The following GATAD2B variants were observed in gnomAD, a reference collection of about 807,000 sequenced individuals.
GATAD2B encodes transcriptional repressor p66-beta.
A neutral mutation model predicts 64.3 loss-of-function variants in GATAD2B; 8 were observed. The observed-to-expected ratio is 0.12, with a 90% CI of 0.07 to 0.22. GATAD2B has a LOEUF of 0.22. GATAD2B is among the 10% of genes least tolerant of loss of function. GATAD2B has a pLI of 1.00. For missense variants in GATAD2B, 453 were observed against 752.0 expected, an observed-to-expected ratio of 0.60 and a Z score of 4.65; for synonymous variants, 281 against 271.3, an observed-to-expected ratio of 1.04 and a Z score of -0.35.
intron 1 of GATAD2B, among the ~76,000 whole-genome samples, chr1:153,855,457 G>C (rs1369342323): frequency 6.6e-6 from 1 of 152,064 alleles, no homozygotes; most frequent in Admixed American, 6.6e-5. Context: ...TCAAACTCCT[G>C]ACCTCTAGTG....
At chr1:153,878,380 T>G (rs981602289) in intron 1 of GATAD2B, among the ~76,000 whole-genome samples, 1 of 151,938 alleles carries the variant, frequency 6.6e-6, no homozygotes, top group Non-Finnish European at 1.5e-5. Context: ...TCTGCGATGG[T>G]CTCCCAAGGT....
chr1:153,824,978 T>C (rs1674819037), intron 2 of GATAD2B, among the ~76,000 whole-genome samples: 1 of 152,004 alleles, frequency 6.6e-6, no homozygotes, highest in Admixed American at 6.6e-5. Context: ...CCCAGCTACT[T>C]GGGTGGCTAA....
chr1:153,916,277 G>GAAAAAAAAAAAAAAAAA (rs200305010), intron 1 of GATAD2B, among the ~76,000 whole-genome samples: 1 of 92,604 alleles, frequency 1.1e-5, no homozygotes, highest in Non-Finnish European at 2.2e-5. Context: ...TCCACCTCAA[G>GAAAAAAAAAAAAAAAAA]AAAAAAAAAA....
chr1:153,815,081 C>CAAAA (rs58874063), intron 7 of GATAD2B, among the ~76,000 whole-genome samples: 1,268 of 25,394 alleles, frequency 0.05, 207 homozygotes, highest in South Asian at 0.071. Flanking sequence ...GACTCTGTCT[C>CAAAA]AAAAAAAAAA....
chr1:153,903,135 G>C (rs1428286409), intron 1 of GATAD2B, among the ~76,000 whole-genome samples: 2 of 151,830 alleles, frequency 1.3e-5, no homozygotes, highest in African/African-American at 4.8e-5. Flanking sequence ...GGAGAATGGA[G>C]TGAAACCAGG....
At chr1:153,863,594 C>A (rs1676384399) in intron 1 of GATAD2B, among the ~76,000 whole-genome samples, 1 of 151,194 alleles carries the variant, frequency 6.6e-6, no homozygotes, top group African/African-American at 2.4e-5. Context: ...ATTTTTCCAA[C>A]CTTCTCCAGT....
chr1:153,849,159 C>T (rs1373501737), intron 1 of GATAD2B, among the ~76,000 whole-genome samples: 1 of 152,168 alleles, frequency 6.6e-6, no homozygotes, highest in East Asian at 1.9e-4. Context: ...GCTTTGGGCA[C>T]TTTATAATGA....
At chr1:153,833,279 G>A (rs891622728) in intron 1 of GATAD2B, among the ~76,000 whole-genome samples, 2 of 152,130 alleles carry the variant, frequency 1.3e-5, no homozygotes, top group Non-Finnish European at 2.9e-5. Context: ...ATGGAACAAC[G>A]ACGTCTGGAT....
At chr1:153,830,807 A>G (rs1027552533) in intron 1 of GATAD2B, among the ~76,000 whole-genome samples, 1 of 151,972 alleles carries the variant, frequency 6.6e-6, no homozygotes, top group Non-Finnish European at 1.5e-5. Context: ...ACAGGGTCTC[A>G]CTCTATCACC....
rs1675692422 is a variant in GATAD2B, at chr1:153,846,504, C to G, written c.-1-18156G>C. On this transcript the variant is annotated intron_variant, in intron 1 of 10. Coordinates refer to ENST00000368655, the MANE Select transcript of GATAD2B (RefSeq NM_020699.4). ...CCTCCCATCTCAGCCTCCTAAAGTG[C>G]TAGGATTACAGGCATTAGCCACCGT... Among the ~76,000 whole-genome samples the G allele has an allele frequency of 2.6e-5, 4 of 151,036 alleles. No individual in the cohort carries two copies. In the South Asian group the frequency reaches 8.3e-4, roughly 32 times the overall value.
intron 1 of GATAD2B, chr1:153,853,438 C>T (rs898334870): frequency 3.1e-5 from 19 of 605,628 alleles, no homozygotes; most frequent in East Asian, 3.1e-4. Flanking sequence ...AATAAATCAA[C>T]GGACGGCAGT....
chr1:153,889,958 G>T lies in GATAD2B; in HGVS notation c.-2+32775C>A, dbSNP rs1439802047. ...GGAGGCCAAGGTGGGCAGATCACCT[G>T]AGGTCGGGAGTTGGAGACCAGCCTG... On this transcript the variant is annotated intron_variant, in intron 1 of 10. Coordinates refer to ENST00000368655, the MANE Select transcript of GATAD2B (RefSeq NM_020699.4). Among the ~76,000 whole-genome samples the T allele has an allele frequency of 2.6e-5, 4 of 152,034 alleles. 1 individual carries two copies. The highest frequency in any genetic ancestry group is 7.2e-5 in the African/African-American group (3 of 41,382).
rs1674185156 is a variant in GATAD2B, at chr1:153,808,778, A to G, written c.*1399T>C. 1 of 135,248 alleles carries G rather than the reference A, an allele frequency of 7.4e-6. No individual in the cohort carries two copies. Among genetic ancestry groups the G allele is most frequent in the South Asian group, 2.4e-4 (1 of 4,144 alleles). 8.4% of individuals were successfully genotyped at this position (135,248 alleles called of 1,614,324 possible). A position where few individuals can be genotyped will look rare whatever the true frequency, so the allele number is the denominator to read the frequency against. ...ACAGCAACATTGCACAATTCAATTC[A>G]TTCTCTACATTAGTAGCGCTTAAAA... On this transcript the variant is annotated 3_prime_UTR_variant, in exon 11 of 11. Transcript: ENST00000368655.
rs778577435 is a variant in GATAD2B at position 153,885,863 on chromosome 1, CA to C, written c.-2+36869del. On this transcript the variant is annotated intron_variant, in intron 1 of 10. Transcript: ENST00000368655. ...GGGCGACAGAGCAAGACTCCGTCTCCAAAAAAAAAAAAAAAAAAGGAAGACT... is the reference window on the plus strand; with the variant it reads ...GGGCGACAGAGCAAGACTCCGTCTCCAAAAAAAAAAAAAAAAAGGAAGACT... 6.9e-3 allele frequency among the ~76,000 whole-genome samples: 372 copies of C among 53,656 alleles called. 1 individual carries two copies. Among genetic ancestry groups the C allele is most frequent in the East Asian group, 0.013 (23 of 1,760 alleles). 35.2% of individuals were successfully genotyped at this position (53,656 alleles called of 152,430 possible).
intron 1 of GATAD2B, among the ~76,000 whole-genome samples, chr1:153,839,547 C>A (rs1481730015): frequency 1.3e-5 from 2 of 152,036 alleles, no homozygotes; most frequent in Non-Finnish European, 2.9e-5. Flanking sequence ...TATAATGTAA[C>A]TTAAAAGTTT....
chr1:153,905,738 G>A (rs920258142), intron 1 of GATAD2B, among the ~76,000 whole-genome samples: 1 of 142,568 alleles, frequency 7.0e-6, no homozygotes, highest in Non-Finnish European at 1.5e-5. Flanking sequence ...TTGAAACCAT[G>A]CCTGGGCAAC....
intron 7 of GATAD2B, among the ~76,000 whole-genome samples, chr1:153,814,690 C>T (rs574502176): frequency 5.3e-5 from 8 of 152,134 alleles, no homozygotes; most frequent in African/African-American, 1.9e-4. Context: ...AAAAGAATTG[C>T]TTGCGCCGGG....
At chr1:153,845,950 C>A (rs932971234) in intron 1 of GATAD2B, among the ~76,000 whole-genome samples, 24 of 145,646 alleles carry the variant, frequency 1.6e-4, no homozygotes, top group South Asian at 1.5e-3. Context: ...TACCGCCCCC[C>A]CCCCGCCCCA....
chr1:153,883,313 C>T (rs1261543210), intron 1 of GATAD2B, among the ~76,000 whole-genome samples: 2 of 152,194 alleles, frequency 1.3e-5, no homozygotes, highest in African/African-American at 4.8e-5. Context: ...TAAATCAAAA[C>T]TAAGTAGTAC....
Sources: gnomAD v4.1 joint callset for allele counts (sites outside exome capture counted in the v4.1 genomes callset) on GRCh38, gnomAD v4.1.1 for gene constraint, MANE v1.5 for transcripts, NCBI Gene and HGNC (gene_info 2026-07-23, HGNC 2026-07-21) for gene names.